SNTB2: variants seen among roughly 807,000 people sequenced by gnomAD.
SNTB2 encodes syntrophin beta 2.
SNTB2 carries 34 observed loss-of-function variants against 46.2 expected under a neutral mutation model. The ratio of observed to expected loss-of-function variants is 0.74; its 90% CI spans 0.56 to 0.98. The LOEUF is 0.98. Ranked by LOEUF, SNTB2 falls within the 50% of genes least tolerant of loss-of-function variation. The pLI is 0.00. For synonymous variants in SNTB2, 290 were observed against 312.6 expected, an observed-to-expected ratio of 0.93 and a Z score of 0.76; for missense variants, 603 against 731.4, an observed-to-expected ratio of 0.82 and a Z score of 2.02.
intron 1 of SNTB2, among the ~76,000 whole-genome samples, chr16:69,220,040 G>A (rs1964385881): frequency 6.6e-6 from 1 of 151,522 alleles, no homozygotes; most frequent in South Asian, 2.1e-4. Flanking sequence ...ATGAGCCACT[G>A]TGCCCAACTC....
intron 1 of SNTB2, among the ~76,000 whole-genome samples, chr16:69,212,340 T>G: frequency 6.6e-6 from 1 of 151,844 alleles, no homozygotes; most frequent in Non-Finnish European, 1.5e-5. Context: ...ATTTATTTAT[T>G]TATTTATTTA....
At chr16:69,251,030 G>A (rs1445941565) in intron 2 of SNTB2, among the ~76,000 whole-genome samples, 1 of 146,604 alleles carries the variant, frequency 6.8e-6, no homozygotes, top group African/African-American at 2.5e-5. Flanking sequence ...CCAGGCTGGA[G>A]TGCAGTGGCG....
At position 69,279,515 on chromosome 16, in the gene SNTB2, C is replaced by CTTTTTT. The variant is rs57637291; in HGVS notation, c.1149-4510_1149-4505dup. Among the ~76,000 whole-genome samples, 141 of 71,726 alleles carry CTTTTTT rather than the reference C, an allele frequency of 2.0e-3. 25 individuals carry two copies. Among genetic ancestry groups the CTTTTTT allele is most frequent in the African/African-American group, 8.4e-3 (124 of 14,712 alleles). 47.1% of individuals were successfully genotyped at this position (71,726 alleles called of 152,430 possible). On this transcript the variant is annotated intron_variant, in intron 4 of 6. Coordinates refer to ENST00000336278, the MANE Select transcript of SNTB2 (RefSeq NM_006750.4). ...TATACCAAGAAGTGGGTCCTTTGCC[C>CTTTTTT]TTTTTTTTTTTTTTTTTTTTTTTTT... is the stretch of plus-strand genomic sequence containing the variant.
At position 69,308,624 on chromosome 16, in the gene SNTB2, ATACCTGCT is replaced by A. The variant is rs1393782956; in HGVS notation, c.*7703_*7710del. The A allele has an allele frequency of 1.3e-5, 2 of 152,202 alleles. No homozygotes were observed. Among genetic ancestry groups the A allele is most frequent in the East Asian group, 3.8e-4 (2 of 5,204 alleles). 9.4% of individuals were successfully genotyped at this position (152,202 alleles called of 1,614,324 possible). A position where few individuals can be genotyped will look rare whatever the true frequency, so the allele number is the denominator to read the frequency against. ...TGGCTAATCTGTGCAAACTCTGATG[ATACCTGCT>A]TATGTGGATTCTTTTCCACACTGCT... On this transcript the variant is annotated 3_prime_UTR_variant, in exon 7 of 7. Coordinates refer to ENST00000336278, the MANE Select transcript of SNTB2 (RefSeq NM_006750.4).
Position 69,301,081 on chromosome 16 carries a change from G to A in SNTB2, c.*157G>A. On this transcript the variant is annotated 3_prime_UTR_variant, in exon 7 of 7. Coordinates refer to ENST00000336278, the MANE Select transcript of SNTB2 (RefSeq NM_006750.4). Reference sequence around the variant, plus strand: ...GAACCATAACCGTGTTTAAAGAAGAGCCTACCTTTCACAGTCTACCTTGGC... The same window carrying A: ...GAACCATAACCGTGTTTAAAGAAGAACCTACCTTTCACAGTCTACCTTGGC... The A allele has an allele frequency of 1.7e-6, 1 of 581,410 alleles. No homozygotes were observed. Among genetic ancestry groups the A allele is most frequent in the South Asian group, 2.1e-5 (1 of 46,702 alleles). 36.0% of individuals were successfully genotyped at this position (581,410 alleles called of 1,614,324 possible). A position where few individuals can be genotyped will look rare whatever the true frequency, so the allele number is the denominator to read the frequency against.
intron 4 of SNTB2, among the ~76,000 whole-genome samples, chr16:69,281,211 TAG>T (rs1168647555): frequency 2.6e-5 from 4 of 151,242 alleles, no homozygotes; most frequent in Admixed American, 6.6e-5. Context: ...TTAAATCATC[TAG>T]AGTTTCTCCT....
intron 2 of SNTB2, among the ~76,000 whole-genome samples, chr16:69,259,658 C>T (rs1964816223): frequency 7.1e-6 from 1 of 140,298 alleles, no homozygotes; most frequent in South Asian, 2.3e-4. Flanking sequence ...GGCTGGAGTA[C>T]AGTGGTGTGA....
intron 1 of SNTB2, among the ~76,000 whole-genome samples, chr16:69,202,313 C>A (rs1302881912): frequency 6.6e-6 from 1 of 150,736 alleles, no homozygotes; most frequent in Non-Finnish European, 1.5e-5. Context: ...TTACTTTGAA[C>A]AAACATACAT....
chr16:69,256,563 C>T (rs1019124872), intron 2 of SNTB2, among the ~76,000 whole-genome samples: 9 of 152,160 alleles, frequency 5.9e-5, no homozygotes, highest in Admixed American at 3.9e-4. Context: ...AAAGTAGGCT[C>T]ATATGTTATT....
At chr16:69,244,542 A>T (rs1964650738) in intron 1 of SNTB2, among the ~76,000 whole-genome samples, 1 of 152,208 alleles carries the variant, frequency 6.6e-6, no homozygotes, top group African/African-American at 2.4e-5. Context: ...TAGTTTTTGA[A>T]ACAAGAACAC....
At chr16:69,289,010 C>T (rs1965133427) in intron 5 of SNTB2, among the ~76,000 whole-genome samples, 1 of 152,072 alleles carries the variant, frequency 6.6e-6, no homozygotes, top group East Asian at 1.9e-4. Flanking sequence ...TGGCTCACAC[C>T]TATAATCCCA....
At chr16:69,265,411 G>T (rs1964874614) in intron 3 of SNTB2, among the ~76,000 whole-genome samples, 1 of 152,090 alleles carries the variant, frequency 6.6e-6, no homozygotes, top group Admixed American at 6.6e-5. Flanking sequence ...ATTTTTTAGT[G>T]TGATAATAAA....
At chr16:69,202,535 T>G (rs1964173127) in intron 1 of SNTB2, among the ~76,000 whole-genome samples, 1 of 152,092 alleles carries the variant, frequency 6.6e-6, no homozygotes, top group Non-Finnish European at 1.5e-5. Flanking sequence ...CCTGAGTAGC[T>G]GGGATTACAG....
In SNTB2 at chr16:69,270,222, G is replaced by C; in HGVS notation, c.1085G>C (p.Cys362Ser). ...GAGAAGGATTTGCTGCTCTATGACT[G>C]TATGCCGTGGACAAGAGATGCCTGG... ...VTEKDLLLYDCMPWTRDAWAS... is the reference protein window; with the variant it reads ...VTEKDLLLYDSMPWTRDAWAS... Residue 362 changes from cysteine to serine, a missense_variant, in exon 4 of 7, where the codon TGT (cysteine) becomes TCT (serine). By Grantham distance (112) the Cys-to-Ser change is moderately radical. Around this residue, in one of 2 missense-constraint regions of SNTB2, gnomAD observed 537 missense variants for 692.4 expected, o/e 0.78. Transcript: ENST00000336278. The C allele has an allele frequency of 6.2e-7, 1 of 1,614,120 alleles. No homozygotes were observed. Among genetic ancestry groups the C allele is most frequent in the Middle Eastern group, 1.6e-4 (1 of 6,062 alleles).
At chr16:69,281,685 A>G (rs916342375) in intron 4 of SNTB2, among the ~76,000 whole-genome samples, 6 of 151,596 alleles carry the variant, frequency 4.0e-5, no homozygotes, top group Non-Finnish European at 5.9e-5. Flanking sequence ...TGTACTAAAA[A>G]TACAAAAATT....
chr16:69,291,096 C>T (rs866657821), intron 5 of SNTB2, among the ~76,000 whole-genome samples: 2 of 152,170 alleles, frequency 1.3e-5, no homozygotes, highest in Non-Finnish European at 2.9e-5. Context: ...TTCTGTGACC[C>T]TGGGCATGAT....
intron 1 of SNTB2, among the ~76,000 whole-genome samples, chr16:69,195,310 G>A (rs1964094380): frequency 1.3e-5 from 2 of 151,950 alleles, no homozygotes; most frequent in Admixed American, 6.6e-5. Flanking sequence ...TCACTCTGTT[G>A]CCCAGGTTGG....
chr16:69,189,444 A>G (rs1964027438), intron 1 of SNTB2, among the ~76,000 whole-genome samples: 1 of 152,172 alleles, frequency 6.6e-6, no homozygotes, highest in South Asian at 2.1e-4. Flanking sequence ...TGTACACCAT[A>G]TTTAGAAAAA....
intron 1 of SNTB2, among the ~76,000 whole-genome samples, chr16:69,243,358 A>C (rs2152296654): frequency 6.6e-6 from 1 of 152,330 alleles, no homozygotes; most frequent in Non-Finnish European, 1.5e-5. Context: ...CTGGATGGCT[A>C]ATTAGATGGG....
Sources: gnomAD v4.1 joint callset for allele counts (sites outside exome capture counted in the v4.1 genomes callset) on GRCh38, gnomAD v4.1.1 for gene constraint, gnomAD v4.1.1 regional missense constraint, MANE v1.5 for transcripts, NCBI Gene and HGNC (gene_info 2026-07-23, HGNC 2026-07-21) for gene names.